Variants in GPC6 observed in about 807,000 individuals in gnomAD.
GPC6 encodes glypican-6.
GPC6 carries 14 observed loss-of-function variants against 55.2 expected under a neutral mutation model. That is an observed-to-expected ratio of 0.25 (90% CI 0.17 to 0.40). The LOEUF (loss-of-function observed/expected upper bound fraction) is 0.40, where lower values mean the gene tolerates loss of function less well. GPC6 is among the 10% of genes least tolerant of loss of function. The probability of loss-of-function intolerance (pLI) is 1.00; values close to 1 mark genes in which losing one functional copy is unlikely to be tolerated. For synonymous variants in GPC6, 278 were observed against 259.6 expected, an observed-to-expected ratio of 1.07 and a Z score of -0.68; for missense variants, 641 against 708.5, an observed-to-expected ratio of 0.90 and a Z score of 1.08.
rs376507556 is a variant in GPC6 at position 93,609,528 on chromosome 13, G to A, written c.319+64107G>A. On this transcript the variant is annotated intron_variant, in intron 2 of 8. Coordinates refer to ENST00000377047, the MANE Select transcript of GPC6 (RefSeq NM_005708.5). ...GCTGGGATTACAGGTGTGAGCCACC[G>A]CGCCCAGCTGCTAACCTGAGTTTCT... is the stretch of plus-strand genomic sequence containing the variant. 2.5e-4 allele frequency among the ~76,000 whole-genome samples: 38 copies of A among 152,214 alleles called. No homozygotes were observed. The South Asian group carries it at 7.0e-3, about 28-fold the overall frequency.
chr13:94,398,820 G>A (rs891461554), intron 8 of GPC6, among the ~76,000 whole-genome samples, 179 bp downstream of exon 8: 16 of 152,286 alleles, frequency 1.1e-4, no homozygotes, highest in Non-Finnish European at 2.4e-4. Flanking sequence ...CATAGGATAC[G>A]AATAAAATCA....
intron 4 of GPC6, among the ~76,000 whole-genome samples, chr13:94,117,384 G>A (rs1350617141): frequency 2.0e-5 from 3 of 152,100 alleles, no homozygotes; most frequent in Non-Finnish European, 4.4e-5. Flanking sequence ...ATAACATCAA[G>A]GGTAGATGTT....
intron 2 of GPC6, among the ~76,000 whole-genome samples, chr13:93,783,572 A>G (rs7326759): frequency 1.5e-5 from 2 of 131,270 alleles, no homozygotes; most frequent in South Asian, 4.8e-4. Flanking sequence ...AGATCTATCT[A>G]TCTGTCTATC....
At chr13:93,347,370 A>T (rs1880466917) in intron 1 of GPC6, among the ~76,000 whole-genome samples, 1 of 152,192 alleles carries the variant, frequency 6.6e-6, no homozygotes, top group Non-Finnish European at 1.5e-5. Context: ...GTTGCAAGAT[A>T]TTACAAATGC....
intron 3 of GPC6, among the ~76,000 whole-genome samples, chr13:93,901,321 A>G (rs2140327151): frequency 6.6e-6 from 1 of 152,256 alleles, no homozygotes; most frequent in South Asian, 2.1e-4. Flanking sequence ...ATATTTCTTC[A>G]TCTGGATATT....
intron 1 of GPC6, among the ~76,000 whole-genome samples, chr13:93,443,243 T>C (rs1202667373): frequency 1.3e-5 from 2 of 152,222 alleles, no homozygotes; most frequent in Non-Finnish European, 2.9e-5. Context: ...GAAACTTTAA[T>C]GATATAAGTC....
intron 1 of GPC6, among the ~76,000 whole-genome samples, chr13:93,316,092 T>C (rs2139116071): frequency 6.6e-6 from 1 of 152,236 alleles, no homozygotes; most frequent in Middle Eastern, 3.4e-3. Context: ...TAACCAGGTT[T>C]ATCTTCTTTT....
intron 2 of GPC6, among the ~76,000 whole-genome samples, chr13:93,751,029 A>G (rs1481095810): frequency 6.6e-6 from 1 of 151,942 alleles, no homozygotes; most frequent in African/African-American, 2.4e-5. Flanking sequence ...CTACTTAATT[A>G]CTCTCTGTAT....
intron 1 of GPC6, among the ~76,000 whole-genome samples, chr13:93,505,510 A>G (rs1274873783): frequency 6.6e-6 from 1 of 152,080 alleles, no homozygotes; most frequent in Non-Finnish European, 1.5e-5. Flanking sequence ...AGCCAGTGGC[A>G]CTCAACCAAC....
At chr13:93,285,616 C>CTGTGTGTGTGTGTGTG (rs754671051) in intron 1 of GPC6, among the ~76,000 whole-genome samples, 3 of 103,532 alleles carry the variant, frequency 2.9e-5, no homozygotes, top group Non-Finnish European at 4.2e-5. Context: ...GTATATACTG[C>CTGTGTGTGTGTGTGTG]TGTGTGTGTG....
At chr13:93,587,230 T>C (rs949991092) in intron 2 of GPC6, among the ~76,000 whole-genome samples, 7 of 152,066 alleles carry the variant, frequency 4.6e-5, no homozygotes, top group African/African-American at 1.7e-4. Context: ...GGATATTATT[T>C]ACCCCTAATA....
At chr13:93,342,967 A>G (rs541530600) in intron 1 of GPC6, among the ~76,000 whole-genome samples, 3 of 152,312 alleles carry the variant, frequency 2.0e-5, no homozygotes, top group South Asian at 2.1e-4. Context: ...ATGTCTTATC[A>G]CTTTTCCTAT....
At chr13:94,014,198 G>T (rs965248950) in intron 3 of GPC6, among the ~76,000 whole-genome samples, 1 of 152,104 alleles carries the variant, frequency 6.6e-6, no homozygotes, top group Non-Finnish European at 1.5e-5. Context: ...AGGCCCCAAG[G>T]TTTTCTGTGT....
chr13:93,334,745 G>T (rs888100238), intron 1 of GPC6, among the ~76,000 whole-genome samples: 1 of 152,180 alleles, frequency 6.6e-6, no homozygotes, highest in Non-Finnish European at 1.5e-5. Context: ...GCGATTGCAG[G>T]CGTGAGCCAC....
chr13:93,367,937 C>T (rs1293430805), intron 1 of GPC6, among the ~76,000 whole-genome samples: 3 of 152,016 alleles, frequency 2.0e-5, no homozygotes, highest in African/African-American at 4.8e-5. Context: ...AATGTCACTT[C>T]GATCCTTTTA....
intron 3 of GPC6, among the ~76,000 whole-genome samples, chr13:93,947,298 G>T (rs1414531412): frequency 2.0e-5 from 3 of 152,124 alleles, no homozygotes; most frequent in Admixed American, 6.5e-5. Context: ...GCATGAAAGT[G>T]TTGGTCCCTA....
intron 2 of GPC6, among the ~76,000 whole-genome samples, chr13:93,730,356 T>A (rs1227044615): frequency 6.6e-6 from 1 of 152,170 alleles, no homozygotes; most frequent in African/African-American, 2.4e-5. Context: ...AAATAACAAT[T>A]TGACCTTAAT....
intron 3 of GPC6, among the ~76,000 whole-genome samples, chr13:93,921,127 G>T (rs928187): frequency 0.32 from 48,655 of 152,046 alleles, 8,030 homozygotes; most frequent in Middle Eastern, 0.43. Flanking sequence ...GTCACTCTAG[G>T]CATGCTGAAA....
intron 1 of GPC6, among the ~76,000 whole-genome samples, chr13:93,465,034 T>C (rs1162524555): frequency 6.6e-6 from 1 of 152,198 alleles, no homozygotes; most frequent in East Asian, 1.9e-4. Context: ...AAAGAATCTG[T>C]TGTTTTTCTG....
Sources: allele counts gnomAD v4.1 joint callset (sites outside exome capture counted in the v4.1 genomes callset), GRCh38; gene constraint gnomAD v4.1.1; transcripts MANE v1.5; gene names NCBI Gene and HGNC (gene_info 2026-07-23, HGNC 2026-07-21).